Variants in XRCC5 observed in about 807,000 individuals in gnomAD.
XRCC5 encodes the protein DNA repair protein Ku80.
Under a neutral mutation model 95.7 loss-of-function variants are expected in XRCC5, and 12 were observed. That is an observed-to-expected ratio of 0.13 (90% CI 0.08 to 0.20). The LOEUF is 0.20. XRCC5 is among the 10% of genes least tolerant of loss of function. XRCC5 has a pLI of 1.00. For missense variants in XRCC5, 595 were observed against 873.9 expected (o/e 0.68, Z 4.02); for synonymous variants, 281 against 290.3 (o/e 0.97, Z 0.33).
intron 16 of XRCC5, among the ~76,000 whole-genome samples, chr2:216,170,705 C>T (rs1433759665): frequency 1.3e-5 from 2 of 152,198 alleles, no homozygotes; most frequent in East Asian, 1.9e-4. Context: ...AAGGCAGGTG[C>T]TCACAATTGG....
Position 216,160,176 on chromosome 2 carries a change from T to C in XRCC5, c.1764+15T>C. The C allele has an allele frequency of 6.4e-7, 1 of 1,563,370 alleles. No individual in the cohort carries two copies. The highest frequency in any genetic ancestry group is 8.7e-7 in the Non-Finnish European group (1 of 1,149,134). The stretch of plus-strand genomic sequence containing the variant: ...GTGTCACCTCTGTAAGCTAAGCTTT[T>C]CAAGTGCGCTTCCCCCTTTGCAGGA... On this transcript the variant is annotated intron_variant, in intron 15 of 20. Coordinates refer to ENST00000392132, the MANE Select transcript of XRCC5 (RefSeq NM_021141.4).
chr2:216,175,450 C>G, intron 16 of XRCC5: 3 of 518,096 alleles, frequency 5.8e-6, no homozygotes, highest in Middle Eastern at 4.9e-4. Flanking sequence ...GCCTTTTTCA[C>G]TTTACAGTTG....
chr2:216,179,356 T>C (rs1443786667), intron 16 of XRCC5, among the ~76,000 whole-genome samples: 1 of 152,168 alleles, frequency 6.6e-6, no homozygotes, highest in Non-Finnish European at 1.5e-5. Flanking sequence ...CTTAATTTGA[T>C]CACACATCTG....
At chr2:216,187,821 A>ACACACACACACACACACACACACC (rs1312215177) in intron 16 of XRCC5, among the ~76,000 whole-genome samples, 1 of 47,950 alleles carries the variant, frequency 2.1e-5, no homozygotes, top group African/African-American at 1.0e-4. Flanking sequence ...ACACACACAC[A>ACACACACACACACACACACACACC]CTCTCTCTCT....
chr2:216,141,259 C>A lies in XRCC5; in HGVS notation c.1416C>A (p.Thr472=). The change falls in exon 13 of 21, where the codon ACC becomes ACA. Residue 472 remains threonine, a synonymous_variant. Coordinates refer to ENST00000392132, the MANE Select transcript of XRCC5 (RefSeq NM_021141.4). ...SLAKKDEKTD[T]LEDLFPTTKI... ...CAAAGAAAGATGAGAAGACAGACAC[C>A]CTTGAAGACTTGTTTCCAACCACCA... is the stretch of plus-strand genomic sequence containing the variant. 1 of 1,614,062 alleles carries A rather than the reference C, an allele frequency of 6.2e-7. No homozygotes were observed. Among genetic ancestry groups the A allele is most frequent in the Non-Finnish European group, 8.5e-7 (1 of 1,179,994 alleles).
chr2:216,127,513 C>A (rs376027136), intron 7 of XRCC5, 23 bp from the exon 8 acceptor site: 2 of 1,571,952 alleles, frequency 1.3e-6, no homozygotes, highest in East Asian at 2.3e-5. Context: ...TCCTTGTTTT[C>A]CCTTTGTGTT....
chr2:216,187,466 CTGTGTG>C (rs140171958), intron 16 of XRCC5, among the ~76,000 whole-genome samples: 3,747 of 111,144 alleles, frequency 0.034, 77 homozygotes, highest in African/African-American at 0.054. Flanking sequence ...AAGATAGCAA[CTGTGTG>C]TGTGTGTGTG....
intron 14 of XRCC5, among the ~76,000 whole-genome samples, chr2:216,155,821 C>G (rs1248142827): frequency 2.6e-5 from 4 of 151,958 alleles, no homozygotes; most frequent in African/African-American, 9.7e-5. Context: ...TCGGTGGGTA[C>G]AAGAGGGTAA....
intron 4 of XRCC5, 152 bp from the exon 5 acceptor site, chr2:216,118,891 A>T: frequency 1.2e-6 from 1 of 806,632 alleles, no homozygotes; most frequent in Non-Finnish European, 2.0e-6. Flanking sequence ...TTATGAATTT[A>T]ATAAGAACTT....
intron 16 of XRCC5, among the ~76,000 whole-genome samples, chr2:216,182,232 C>T (rs1213865363): frequency 6.6e-6 from 1 of 152,172 alleles, no homozygotes; most frequent in Admixed American, 6.5e-5. Flanking sequence ...CGTTTCAGTT[C>T]CATTCAATTA....
intron 2 of XRCC5, 144 bp downstream of exon 2, chr2:216,113,273 C>A (rs1696626103): frequency 1.6e-6 from 1 of 618,392 alleles, no homozygotes; most frequent in Non-Finnish European, 2.8e-6. Context: ...CATGTACTCA[C>A]ATACAACTTC....
intron 18 of XRCC5, 88 bp from the exon 19 acceptor site, chr2:216,194,831 C>A: frequency 8.1e-7 from 1 of 1,229,030 alleles, no homozygotes; most frequent in Non-Finnish European, 1.2e-6. Context: ...ATCTTCAGCT[C>A]AAAGGTGGGA....
intron 14 of XRCC5, among the ~76,000 whole-genome samples, chr2:216,157,960 CTAA>C (rs1688878391): frequency 6.6e-6 from 1 of 152,096 alleles, no homozygotes; most frequent in African/African-American, 2.4e-5. Context: ...TGCAAAATTC[CTAA>C]TAATGCTGTT....
chr2:216,185,219 G>A (rs1345007481), intron 16 of XRCC5, among the ~76,000 whole-genome samples: 2 of 152,120 alleles, frequency 1.3e-5, no homozygotes, highest in East Asian at 1.9e-4. Context: ...AACACACTTC[G>A]TAACCTGCAA....
chr2:216,134,675 C>A (rs530343257), intron 10 of XRCC5, among the ~76,000 whole-genome samples: 1 of 146,998 alleles, frequency 6.8e-6, no homozygotes, highest in Non-Finnish European at 1.5e-5. Flanking sequence ...GTGATCCACC[C>A]CCCCCCCTCC....
chr2:216,182,443 A>G (rs894434059), intron 16 of XRCC5, among the ~76,000 whole-genome samples: 3 of 152,036 alleles, frequency 2.0e-5, no homozygotes, highest in Non-Finnish European at 4.4e-5. Context: ...CCTTTCCCCT[A>G]CTGCTCATTT....
chr2:216,170,608 C>T (rs763120757), intron 16 of XRCC5, among the ~76,000 whole-genome samples: 3 of 152,188 alleles, frequency 2.0e-5, no homozygotes, highest in Non-Finnish European at 2.9e-5. Flanking sequence ...CAGGCTCCTC[C>T]TCTAATTTGA....
At position 216,120,391 on chromosome 2, in the gene XRCC5, A is replaced by G. The variant is rs188642834; in HGVS notation, c.491+1226A>G. 3.3e-5 allele frequency among the ~76,000 whole-genome samples: 5 copies of G among 152,104 alleles called. No individual in the cohort carries two copies. The East Asian group carries it at 9.6e-4, about 29-fold the overall frequency. ...AAGAGGAAGCATAGCCTTTGCTTCT[A>G]TTTGCTTTTTATTTGGTTGTATTTT... On this transcript the variant is annotated intron_variant, in intron 5 of 20. Coordinates refer to ENST00000392132, the MANE Select transcript of XRCC5 (RefSeq NM_021141.4).
intron 8 of XRCC5, among the ~76,000 whole-genome samples, chr2:216,130,078 T>C (rs1696970018): frequency 6.6e-6 from 1 of 152,170 alleles, no homozygotes; most frequent in Non-Finnish European, 1.5e-5. Context: ...AAAGTTTTAT[T>C]GTGTCTTGGG....
Sources: allele counts gnomAD v4.1 joint callset (sites outside exome capture counted in the v4.1 genomes callset), GRCh38; gene constraint gnomAD v4.1.1; transcripts MANE v1.5; gene names NCBI Gene and HGNC (gene_info 2026-07-23, HGNC 2026-07-21).